Variants in TICRR observed in about 807,000 individuals in gnomAD.
TICRR encodes treslin.
TICRR carries 132 observed loss-of-function variants against 178.1 expected under a neutral mutation model. The observed-to-expected ratio is 0.74, with a 90% CI of 0.64 to 0.86. The LOEUF is 0.86. Among genes scored for constraint, TICRR ranks in the 40% least tolerant of loss-of-function variants. The pLI is 0.00. For synonymous variants in TICRR, 991 were observed against 900.7 expected, an observed-to-expected ratio of 1.10 and a Z score of -1.79; for missense variants, 2,587 against 2,334.3, an observed-to-expected ratio of 1.11 and a Z score of -2.23.
intron 13 of TICRR, among the ~76,000 whole-genome samples, chr15:89,605,610 G>A (rs920102256): frequency 1.3e-5 from 2 of 152,098 alleles, no homozygotes; most frequent in Non-Finnish European, 2.9e-5. Flanking sequence ...CCGCCCACTC[G>A]ACCTCCCAAA....
chr15:89,616,495 G>C lies in TICRR; in HGVS notation c.2960G>C (p.Arg987Thr). The C allele has an allele frequency of 1.2e-6, 2 of 1,613,608 alleles. No individual in the cohort carries two copies. The highest frequency in any genetic ancestry group is 1.7e-6 in the Non-Finnish European group (2 of 1,179,682). Residue 987 changes from arginine (R) to threonine (T), a missense_variant and splice_region_variant, in exon 16 of 22, where the codon AGG (arginine) becomes ACG (threonine). By Grantham distance (71) the Arg-to-Thr change is moderately conservative. Coordinates refer to ENST00000268138, the MANE Select transcript of TICRR (RefSeq NM_152259.4). ...KRLLHRQIKG[R>T]SSDPGPDIGV... ...CTGCTGCACAGACAAATCAAGGGCA[G>C]GTGAGTGACATCCCCATCCGGGCTT...
At chr15:89,619,584 A>T in intron 17 of TICRR, 124 bp from the exon 18 acceptor site, 1 of 1,004,686 alleles carries the variant, frequency 1.0e-6, no homozygotes, top group Non-Finnish European at 1.5e-6. Context: ...TCTTAAAGCT[A>T]ATAGCTTGCT....
chr15:89,577,968 G>C (rs1455267830), intron 1 of TICRR, among the ~76,000 whole-genome samples: 3 of 152,014 alleles, frequency 2.0e-5, no homozygotes, highest in African/African-American at 7.2e-5. Context: ...TCAAAGGTAG[G>C]TAAAGAACAT....
chr15:89,576,833 A>ATG (rs1962627619), intron 1 of TICRR, among the ~76,000 whole-genome samples: 7 of 73,412 alleles, frequency 9.5e-5, no homozygotes, highest in African/African-American at 4.3e-4. Flanking sequence ...ATATATATAT[A>ATG]TATATATATA....
intron 1 of TICRR, among the ~76,000 whole-genome samples, chr15:89,581,312 G>A (rs560665097): frequency 6.6e-6 from 1 of 152,158 alleles, no homozygotes; most frequent in Non-Finnish European, 1.5e-5. Flanking sequence ...GAATATTGTT[G>A]TTATACTGTG....
chr15:89,595,371 T>G, intron 6 of TICRR, 22 bp from the exon 7 acceptor site: 1 of 1,580,840 alleles, frequency 6.3e-7, no homozygotes, highest in South Asian at 1.1e-5. Flanking sequence ...TTACTTTCCC[T>G]CCTCTGATGT....
At chr15:89,611,792 C>T (rs1963260157) in intron 15 of TICRR, among the ~76,000 whole-genome samples, 1 of 152,090 alleles carries the variant, frequency 6.6e-6, no homozygotes, top group Admixed American at 6.6e-5. Flanking sequence ...ATTTCAGCTC[C>T]AGAATTTCTA....
intron 4 of TICRR, 172 bp from the exon 5 acceptor site, chr15:89,591,875 T>A: frequency 2.2e-6 from 1 of 457,458 alleles, no homozygotes; most frequent in East Asian, 3.1e-5. Context: ...CATTTTTTAT[T>A]TACCACATAG....
chr15:89,600,957 G>A (rs1474533069), intron 9 of TICRR, among the ~76,000 whole-genome samples: 1 of 142,782 alleles, frequency 7.0e-6, no homozygotes, highest in East Asian at 2.1e-4. Context: ...GAAGCTGGAG[G>A]ATTGTTTGAG....
intron 12 of TICRR, 51 bp downstream of exon 12, chr15:89,602,027 A>C: frequency 1.3e-6 from 2 of 1,599,794 alleles, no homozygotes; most frequent in Non-Finnish European, 1.7e-6. Context: ...TAGTTCTGAT[A>C]AAAGATGTGT....
intron 2 of TICRR, 133 bp downstream of exon 2, chr15:89,583,098 A>G (rs941565619): frequency 1.9e-6 from 2 of 1,047,202 alleles, no homozygotes; most frequent in South Asian, 1.7e-5. Flanking sequence ...GAAAGAATTA[A>G]AAGACATCAA....
chr15:89,593,239 C>T (rs1022846352), intron 5 of TICRR, among the ~76,000 whole-genome samples: 4 of 152,102 alleles, frequency 2.6e-5, no homozygotes, highest in African/African-American at 9.7e-5. Context: ...TTGAGTCATC[C>T]GATCCATGAA....
chr15:89,584,306 A>G lies in TICRR; in HGVS notation c.955A>G (p.Thr319Ala), dbSNP rs774452445. 6.2e-7 allele frequency: 1 copy of G among 1,611,676 alleles called. No homozygotes were observed. The highest frequency in any genetic ancestry group is 1.7e-5 in the Admixed American group (1 of 59,618). The change falls in exon 3 of 22, where the codon ACA becomes GCA. Residue 319 changes from threonine (T) to alanine (A), a missense_variant. Physicochemically the swap from Thr to Ala is moderately conservative, Grantham distance 58. Coordinates refer to ENST00000268138, the MANE Select transcript of TICRR (RefSeq NM_152259.4). The part of the protein sequence containing the change: ...PVEAGKEIQE[T>A]WTVTLEPLAM... ...TCTAGCAGGCAAAGAGATTCAAGAA[A>G]CATGGACAGTCACCCTAGAGCCCTT... is the stretch of plus-strand genomic sequence containing the variant.
At chr15:89,621,983 T>TTTG (rs1491100231) in intron 19 of TICRR, among the ~76,000 whole-genome samples, 2 of 27,954 alleles carry the variant, frequency 7.2e-5, no homozygotes, top group African/African-American at 4.5e-4. Flanking sequence ...AAACTGACTC[T>TTTG]TTTTTTTTTT....
chr15:89,586,087 A>G, intron 4 of TICRR, 145 bp downstream of exon 4: 1 of 606,548 alleles, frequency 1.6e-6, no homozygotes, highest in Non-Finnish European at 2.8e-6. Flanking sequence ...GGCAGTTTAA[A>G]TCATTATTAT....
chr15:89,596,328 C>A (rs934757875), intron 7 of TICRR, among the ~76,000 whole-genome samples: 1 of 151,764 alleles, frequency 6.6e-6, no homozygotes, highest in Admixed American at 6.6e-5. Context: ...ATAGAGTTTT[C>A]TGTTTTATTC....
chr15:89,586,014 A>G (rs763889492), intron 4 of TICRR, 72 bp downstream of exon 4: 117 of 1,154,798 alleles, frequency 1.0e-4, no homozygotes, highest in Non-Finnish European at 2.3e-5. Context: ...GGACTTTTTC[A>G]CTGTGCAGTT....
chr15:89,625,467 G>A lies in TICRR; in HGVS notation c.5157G>A (p.Glu1719=). Residue 1719 remains glutamate, a synonymous_variant, in exon 20 of 22, where the codon GAG becomes GAA. Transcript: ENST00000268138. ...GGAGCCTGTCACTGCTTGAGTCAGA[G>A]GGCAAGGACCACGGCCTTGAACTCA... ...LPGSLSLLES[E]GKDHGLELSI... The A allele has an allele frequency of 1.2e-6, 2 of 1,613,956 alleles. No homozygotes were observed. Among genetic ancestry groups the A allele is most frequent in the Non-Finnish European group, 1.7e-6 (2 of 1,179,984 alleles).
intron 1 of TICRR, among the ~76,000 whole-genome samples, chr15:89,578,961 T>C (rs890292592): frequency 1.3e-5 from 2 of 151,964 alleles, no homozygotes; most frequent in African/African-American, 4.8e-5. Context: ...GAAGAGAAAA[T>C]CCAGGTCCTG....
Sources: allele counts gnomAD v4.1 joint callset (sites outside exome capture counted in the v4.1 genomes callset), GRCh38; gene constraint gnomAD v4.1.1; transcripts MANE v1.5; gene names NCBI Gene and HGNC (gene_info 2026-07-23, HGNC 2026-07-21).